DMD: variants seen among roughly 807,000 people sequenced by gnomAD.
DMD encodes dystrophin.
In DMD, 63 loss-of-function variants were observed where a neutral mutation model predicts 330.1. That is an observed-to-expected ratio of 0.19 (90% confidence interval 0.16 to 0.24). The LOEUF is 0.24. DMD is among the 10% of genes least tolerant of loss of function. The pLI, the probability that DMD is intolerant of heterozygous loss-of-function variation, is 1.00. For missense variants in DMD, 3,344 were observed against 2,684.1 expected (o/e 1.25, Z -5.43); for synonymous variants, 1,223 against 959.8 (o/e 1.27, Z -5.07).
intron 57 of DMD, among the ~76,000 whole-genome samples, chrX:31,485,191 A>T (rs900109175): frequency 5.4e-5 from 6 of 111,461 alleles, no homozygotes; most frequent in Admixed American, 4.8e-4. Context: ...TATTATTTTT[A>T]TTTATTTATT....
intron 44 of DMD, among the ~76,000 whole-genome samples, chrX:32,095,337 G>A (rs1326062038): frequency 1.8e-5 from 2 of 112,031 alleles, no homozygotes; most frequent in African/African-American, 6.5e-5. Flanking sequence ...ATTTGTGGAA[G>A]TCAGAATGAC....
intron 2 of DMD, among the ~76,000 whole-genome samples, chrX:32,861,215 A>C (rs944959316): frequency 5.3e-5 from 6 of 112,418 alleles, no homozygotes; most frequent in African/African-American, 1.9e-4. Flanking sequence ...AGTGTTAGCT[A>C]TCACACGTTT....
At chrX:31,464,629 A>G (rs944780859) in intron 59 of DMD, among the ~76,000 whole-genome samples, 8 of 112,573 alleles carry the variant, frequency 7.1e-5, no homozygotes, top group Admixed American at 6.6e-4. Flanking sequence ...CTACACTTAC[A>G]TAAGTTGTTT....
At chrX:32,421,605 C>T (rs2098190148) in intron 29 of DMD, among the ~76,000 whole-genome samples, 1 of 111,606 alleles carries the variant, frequency 9.0e-6, no homozygotes, top group Non-Finnish European at 1.9e-5. Flanking sequence ...GGTCATCTGC[C>T]ACAAAATGTT....
chrX:31,910,035 C>G (rs184963024), intron 47 of DMD, among the ~76,000 whole-genome samples: 1 of 112,581 alleles, frequency 8.9e-6, no homozygotes, highest in African/African-American at 3.2e-5. Context: ...GTAGTACCTG[C>G]TGTGCCTTCG....
chrX:31,715,441 G>C (rs1481370750), intron 52 of DMD, among the ~76,000 whole-genome samples: 1 of 103,483 alleles, frequency 9.7e-6, no homozygotes, highest in African/African-American at 3.5e-5. Flanking sequence ...TACACGGGAG[G>C]CTGAGGCAGG....
chrX:31,649,905 T>C lies in DMD; in HGVS notation c.8027+8085A>G, dbSNP rs749673082. On this transcript the variant is annotated intron_variant, in intron 54 of 78. Transcript: ENST00000357033. The stretch of plus-strand genomic sequence containing the variant: ...CATAAGAGGAATTTAAAATAGGGTA[T>C]TCAAAATTGAGAGGGTTGAACTGGT... 2.7e-5 allele frequency among the ~76,000 whole-genome samples: 3 copies of C among 110,815 alleles called. No homozygotes were observed. The East Asian group carries it at 8.5e-4, about 32-fold the overall frequency.
intron 60 of DMD, among the ~76,000 whole-genome samples, chrX:31,373,793 T>G (rs1434216307): frequency 9.1e-6 from 1 of 109,831 alleles, no homozygotes; most frequent in Non-Finnish European, 1.9e-5. Context: ...CCAAAAGCAA[T>G]GGCAACAAAA....
chrX:31,404,103 C>T (rs1286632162), intron 60 of DMD, among the ~76,000 whole-genome samples: 1 of 110,305 alleles, frequency 9.1e-6, no homozygotes, highest in African/African-American at 3.3e-5. Context: ...GTGTACACCC[C>T]CCATCTTCTA....
At chrX:32,226,091 C>T (rs1158445355) in intron 43 of DMD, among the ~76,000 whole-genome samples, 1 of 111,639 alleles carries the variant, frequency 9.0e-6, no homozygotes, top group Non-Finnish European at 1.9e-5. Flanking sequence ...TCTCTAGCCC[C>T]ACTGTCGTGG....
chrX:32,716,200 C>A (rs775824139), intron 7 of DMD, among the ~76,000 whole-genome samples: 2 of 111,005 alleles, frequency 1.8e-5, no homozygotes, highest in South Asian at 7.7e-4. Flanking sequence ...TGTTTCCTTG[C>A]CCAAATCTCA....
At chrX:32,766,940 A>C (rs1162569277) in intron 7 of DMD, among the ~76,000 whole-genome samples, 3 of 111,498 alleles carry the variant, frequency 2.7e-5, no homozygotes, top group African/African-American at 9.8e-5. Context: ...GCATTCTCTT[A>C]AAGTCTTTAA....
intron 2 of DMD, among the ~76,000 whole-genome samples, chrX:32,862,492 T>C (rs1196078983): frequency 8.9e-6 from 1 of 111,971 alleles, no homozygotes; most frequent in African/African-American, 3.2e-5. Flanking sequence ...TTAACATGTT[T>C]TGTAATAAAA....
At chrX:32,953,224 G>A (rs1448186978) in intron 2 of DMD, among the ~76,000 whole-genome samples, 4 of 109,613 alleles carry the variant, frequency 3.6e-5, no homozygotes, top group East Asian at 5.7e-4. Context: ...TGTAAAAGAT[G>A]AAATGGCGTT....
intron 44 of DMD, among the ~76,000 whole-genome samples, chrX:32,203,139 C>T (rs1374282174): frequency 8.9e-6 from 1 of 112,392 alleles, no homozygotes; most frequent in Non-Finnish European, 1.9e-5. Flanking sequence ...TTGCCATTCT[C>T]CAAGCTGGCT....
intron 47 of DMD, among the ~76,000 whole-genome samples, chrX:31,927,902 A>T (rs1229373931): frequency 8.9e-6 from 1 of 112,051 alleles, no homozygotes; most frequent in Non-Finnish European, 1.9e-5. Flanking sequence ...TTCAATCAAT[A>T]TCCTGGAAGG....
chrX:31,364,516 G>A (rs905363469), intron 60 of DMD, among the ~76,000 whole-genome samples: 1 of 111,937 alleles, frequency 8.9e-6, no homozygotes, highest in African/African-American at 3.3e-5. Flanking sequence ...TTACAGCCAA[G>A]AGTCCAGCCT....
chrX:33,066,742 G>A (rs9887394), intron 1 of DMD, among the ~76,000 whole-genome samples: 3,251 of 111,257 alleles, frequency 0.029, 117 homozygotes, highest in African/African-American at 0.1. Context: ...GCATAAGAAT[G>A]CATATTTTTT....
chrX:31,266,174 A>AAAAAAAAAAAAAAAAC (rs2051068357), intron 62 of DMD, among the ~76,000 whole-genome samples: 1 of 103,116 alleles, frequency 9.7e-6, no homozygotes, highest in African/African-American at 3.7e-5. Flanking sequence ...AAAAAAAAAA[A>AAAAAAAAAAAAAAAAC]AAAAAAAAAG....
Sources: allele counts gnomAD v4.1 joint callset (sites outside exome capture counted in the v4.1 genomes callset), GRCh38; gene constraint gnomAD v4.1.1; transcripts MANE v1.5; gene names NCBI Gene and HGNC (gene_info 2026-07-23, HGNC 2026-07-21).